DENND5B: variants seen among roughly 807,000 people sequenced by gnomAD.
DENND5B encodes the protein DENN domain-containing protein 5B.
Under a neutral mutation model 140.6 loss-of-function variants are expected in DENND5B, and 34 were observed. The observed-to-expected ratio is 0.24, with a 90% CI of 0.18 to 0.32. DENND5B has a LOEUF of 0.32. Among genes scored for constraint, DENND5B ranks in the 10% least tolerant of loss-of-function variants. The pLI, the probability that DENND5B is intolerant of heterozygous loss-of-function variation, is 1.00. For synonymous variants in DENND5B, 551 were observed against 562.1 expected (o/e 0.98, Z 0.28); for missense variants, 1,142 against 1,560.2 (o/e 0.73, Z 4.52).
intron 2 of DENND5B, among the ~76,000 whole-genome samples, chr12:31,488,223 G>T (rs1177407953): frequency 1.3e-5 from 2 of 150,776 alleles, no homozygotes; most frequent in African/African-American, 4.9e-5. Context: ...TGATCCACTC[G>T]CCTCAGCTTC....
At chr12:31,587,356 T>G (rs970313716) in intron 1 of DENND5B, among the ~76,000 whole-genome samples, 1 of 152,026 alleles carries the variant, frequency 6.6e-6, no homozygotes, top group East Asian at 1.9e-4. Flanking sequence ...CCCCAAAATC[T>G]TGGAGTCATC....
At chr12:31,405,809 G>A (rs1203818969) in intron 14 of DENND5B, among the ~76,000 whole-genome samples, 1 of 151,416 alleles carries the variant, frequency 6.6e-6, no homozygotes, top group Non-Finnish European at 1.5e-5. Flanking sequence ...GCCTCCCAAA[G>A]TGCTGGGATT....
At chr12:31,449,197 G>A (rs147034457) in intron 5 of DENND5B, among the ~76,000 whole-genome samples, 12 of 152,266 alleles carry the variant, frequency 7.9e-5, no homozygotes, top group African/African-American at 2.9e-4. Context: ...GACATAAGGT[G>A]ACTTTTAAAA....
At chr12:31,485,048 C>T (rs912508232) in intron 2 of DENND5B, among the ~76,000 whole-genome samples, 6 of 152,168 alleles carry the variant, frequency 3.9e-5, no homozygotes, top group South Asian at 2.1e-4. Flanking sequence ...TGGCCTGCTG[C>T]TGGTTTGATC....
At chr12:31,521,087 G>T (rs1330593254) in intron 1 of DENND5B, among the ~76,000 whole-genome samples, 1 of 151,256 alleles carries the variant, frequency 6.6e-6, no homozygotes, top group Non-Finnish European at 1.5e-5. Context: ...CACAGCCTTA[G>T]ATCATTAAAG....
At chr12:31,478,726 G>C (rs1358714851) in intron 3 of DENND5B, among the ~76,000 whole-genome samples, 1 of 151,572 alleles carries the variant, frequency 6.6e-6, no homozygotes, top group East Asian at 1.9e-4. Context: ...CCAAATATTT[G>C]TGTAACCTTT....
At chr12:31,412,377 T>C (rs1364315590) in intron 13 of DENND5B, among the ~76,000 whole-genome samples, 2 of 152,160 alleles carry the variant, frequency 1.3e-5, no homozygotes, top group Admixed American at 6.6e-5. Flanking sequence ...ACCTGTTTCA[T>C]GGAAGATAAT....
chr12:31,462,491 C>CG (rs1446103184), intron 3 of DENND5B, among the ~76,000 whole-genome samples: 3 of 152,080 alleles, frequency 2.0e-5, no homozygotes, highest in African/African-American at 7.2e-5. Context: ...ACTTGGCCCC[C>CG]GTACTGTCTC....
chr12:31,567,995 C>A (rs1176664110), intron 1 of DENND5B, among the ~76,000 whole-genome samples: 1 of 152,206 alleles, frequency 6.6e-6, no homozygotes, highest in African/African-American at 2.4e-5. Flanking sequence ...TGAGCCACCA[C>A]AACTGGCCTC....
intron 1 of DENND5B, among the ~76,000 whole-genome samples, chr12:31,522,677 T>C (rs1174002626): frequency 2.0e-5 from 3 of 152,102 alleles, no homozygotes; most frequent in Non-Finnish European, 2.9e-5. Flanking sequence ...ACTTGTGAGC[T>C]CAAGCGACAC....
chr12:31,541,559 A>C (rs1948680560), intron 1 of DENND5B, among the ~76,000 whole-genome samples: 1 of 152,192 alleles, frequency 6.6e-6, no homozygotes. Flanking sequence ...AAATGCTGGC[A>C]AGGATGTGGA....
chr12:31,394,542 T>C (rs1193434331), intron 17 of DENND5B, among the ~76,000 whole-genome samples: 1 of 151,984 alleles, frequency 6.6e-6, no homozygotes, highest in East Asian at 1.9e-4. Flanking sequence ...CTTTGACAAA[T>C]GGATAGTCAT....
At chr12:31,436,186 G>A (rs1409799685) in intron 7 of DENND5B, among the ~76,000 whole-genome samples, 4 of 148,152 alleles carry the variant, frequency 2.7e-5, no homozygotes, top group African/African-American at 7.5e-5. Flanking sequence ...TGCAACCTCC[G>A]TCTCCCGGGT....
chr12:31,479,540 GA>G (rs1565620796), intron 3 of DENND5B, 48 bp downstream of exon 3: 2 of 1,428,620 alleles, frequency 1.4e-6, no homozygotes. Flanking sequence ...CAGTAGTTGG[GA>G]GCAAAAGTAC....
At chr12:31,454,630 A>G (rs1410675579) in intron 4 of DENND5B, among the ~76,000 whole-genome samples, 1 of 151,368 alleles carries the variant, frequency 6.6e-6, no homozygotes, top group Non-Finnish European at 1.5e-5. Flanking sequence ...TTCTTAGTAG[A>G]GATGGGGTTT....
intron 3 of DENND5B, among the ~76,000 whole-genome samples, chr12:31,468,109 C>T (rs1195895908): frequency 6.6e-6 from 1 of 151,866 alleles, no homozygotes; most frequent in African/African-American, 2.4e-5. Flanking sequence ...TAAAAATTGG[C>T]CAGGTGTGGT....
chr12:31,387,742 G>C lies in DENND5B; in HGVS notation c.3686C>G (p.Pro1229Arg), dbSNP rs1166725483. 6.2e-7 allele frequency: 1 copy of C among 1,613,980 alleles called. No homozygotes were observed. The highest frequency in any genetic ancestry group is 1.7e-5 in the Admixed American group (1 of 60,024). The change falls in exon 21 of 21, where the codon CCT becomes CGT. Residue 1229 changes from proline to arginine, a missense_variant. Transcript: ENST00000389082. ...CTCTTCATACATTCGAGTGATGGCAGGACACTCAGCTAACAATGGAATCCA... is the reference window on the plus strand; with the variant it reads ...CTCTTCATACATTCGAGTGATGGCACGACACTCAGCTAACAATGGAATCCA... Reference protein sequence around the residue: ...PQWIPLLAECPAITRMYEESA... With the variant: ...PQWIPLLAECRAITRMYEESA...
chr12:31,542,465 G>GA (rs1382635377), intron 1 of DENND5B, among the ~76,000 whole-genome samples: 2 of 151,928 alleles, frequency 1.3e-5, no homozygotes, highest in East Asian at 1.9e-4. Flanking sequence ...GTGACTATAG[G>GA]AAAAAAATAA....
rs560095848 is a variant in DENND5B, at chr12:31,413,422, A to T, written c.2681+14T>A. ...GATTATAGAAACAGAAATGTATCAA[A>T]GATGGTATCTTACTTGGTGAGTGGT... On this transcript the variant is annotated intron_variant, in intron 13 of 20. Coordinates refer to ENST00000389082, the MANE Select transcript of DENND5B (RefSeq NM_144973.4). 1 of 1,606,178 alleles carries T rather than the reference A, an allele frequency of 6.2e-7. No homozygotes were observed. Among genetic ancestry groups the T allele is most frequent in the Non-Finnish European group, 8.5e-7 (1 of 1,176,554 alleles).
Sources: gnomAD v4.1 joint callset for allele counts (sites outside exome capture counted in the v4.1 genomes callset) on GRCh38, gnomAD v4.1.1 for gene constraint, MANE v1.5 for transcripts, NCBI Gene and HGNC (gene_info 2026-07-23, HGNC 2026-07-21) for gene names.